VWCE: variants seen among roughly 807,000 people sequenced by gnomAD.
VWCE encodes the protein von Willebrand factor C and EGF domain-containing protein.
A neutral mutation model predicts 102.9 loss-of-function variants in VWCE; 68 were observed. The ratio of observed to expected loss-of-function variants is 0.66; its 90% CI spans 0.54 to 0.81. The LOEUF (loss-of-function observed/expected upper bound fraction) is 0.81. Ranked by LOEUF, VWCE falls within the 30% of genes least tolerant of loss-of-function variation. The pLI, the probability that VWCE is intolerant of heterozygous loss-of-function variation, is 0.00. For missense variants in VWCE, 1,137 were observed against 1,263.6 expected (o/e 0.90, Z 1.52); for synonymous variants, 497 against 515.4 (o/e 0.96, Z 0.48).
At position 61,280,703 on chromosome 11, in the gene VWCE, G is replaced by A; in HGVS notation, c.1245C>T (p.Thr415=). ...SQCWCEDGKV[T]CEKVRCEAAC... is the part of the protein sequence containing the mutation. ...CAGCTTCACACCTCACCTTTTCACAGGTCACCTTCCCGTCCTAGAAGCACA... is the reference window on the plus strand; with the variant it reads ...CAGCTTCACACCTCACCTTTTCACAAGTCACCTTCCCGTCCTAGAAGCACA... Residue 415 remains threonine (T), a synonymous_variant, in exon 9 of 20, where the codon ACC becomes ACT. Transcript: ENST00000335613. 6.2e-7 allele frequency: 1 copy of A among 1,613,972 alleles called. No homozygotes were observed. The highest frequency in any genetic ancestry group is 8.5e-7 in the Non-Finnish European group (1 of 1,179,990).
chr11:61,273,268 G>T lies in VWCE; in HGVS notation c.1630C>A (p.Pro544Thr). ...SFMPCPELACPREEWRLGPGQ... is the reference protein window; with the variant it reads ...SFMPCPELACTREEWRLGPGQ... ...GGGCCCAGCCGCCACTCTTCTCGGG[G>T]GCAGGCCAGCTCAGGGCAGGGCATG... The change falls in exon 13 of 20, where the codon CCC (proline) becomes ACC (threonine). Residue 544 changes from proline to threonine, a missense_variant. Physicochemically the swap from Pro to Thr is conservative, Grantham distance 38 (BLOSUM62 -1). Coordinates refer to ENST00000335613, the MANE Select transcript of VWCE (RefSeq NM_152718.2). 2 of 1,613,862 alleles carry T rather than the reference G, an allele frequency of 1.2e-6. No individual in the cohort carries two copies. Among genetic ancestry groups the T allele is most frequent in the Non-Finnish European group, 1.7e-6 (2 of 1,179,916 alleles).
At position 61,258,990 on chromosome 11, in the gene VWCE, A is replaced by C; in HGVS notation, c.2553T>G (p.Pro851=). 6.2e-7 allele frequency: 1 copy of C among 1,609,884 alleles called. No homozygotes were observed. Among genetic ancestry groups the C allele is most frequent in the Non-Finnish European group, 8.5e-7 (1 of 1,177,934 alleles). The change falls in exon 20 of 20, where the codon CCT becomes CCG. Residue 851 remains proline, a synonymous_variant. Transcript: ENST00000335613. ...CTAGAGGTAGAGTGGGGGCTCCTGG[A>C]GGGGTCGAAGGCCCTGGTGAGAGTC... ...SPRLSPGPST[P]PGAPTLPLAS...
In VWCE at chr11:61,259,237, C is replaced by T. The variant is rs1854283532; in HGVS notation, c.2306G>A (p.Ser769Asn). 4 of 1,613,220 alleles carry T rather than the reference C, an allele frequency of 2.5e-6. No homozygotes were observed. The highest frequency in any genetic ancestry group is 3.4e-6 in the Non-Finnish European group (4 of 1,179,360). Residue 769 changes from serine to asparagine, a missense_variant, in exon 20 of 20, where the codon AGC (serine) becomes AAC (asparagine). Physicochemically the swap from Ser to Asn is conservative, Grantham distance 46. Transcript: ENST00000335613. ...GNVAFSKAGR[S>N]LHGDTEAPVN... ...AGGGGCCTCAGTGTCTCCATGCAGG[C>T]TCCGACCAGCTTTGCTGAATGCCAC... is the stretch of plus-strand genomic sequence containing the variant.
At position 61,283,001 on chromosome 11, in the gene VWCE, A is replaced by C. The variant is rs138719276; in HGVS notation, c.542-96T>G. The C allele has an allele frequency of 6.7e-3, 7,065 of 1,058,778 alleles. 66 individuals carry two copies. The highest frequency in any genetic ancestry group is 0.024 in the South Asian group (1,816 of 74,548). The allele number at this position is 1,058,778 out of a possible 1,614,324, so 65.6% of individuals were successfully genotyped here. A position where few individuals can be genotyped will look rare whatever the true frequency, so the allele number is the denominator to read the frequency against. On this transcript the variant is annotated intron_variant, in intron 5 of 19. Coordinates refer to ENST00000335613, the MANE Select transcript of VWCE (RefSeq NM_152718.2). The stretch of plus-strand genomic sequence containing the variant: ...CCTCCCTCATCTCCATCTCCTATAC[A>C]CACAGGGCTGTGGGGAACCACCTTA...
intron 13 of VWCE, among the ~76,000 whole-genome samples, chr11:61,272,881 C>G (rs1465844320): frequency 1.3e-5 from 2 of 151,818 alleles, no homozygotes; most frequent in Non-Finnish European, 2.9e-5. Context: ...CACACACCCA[C>G]AGAGAGACAC....
intron 3 of VWCE, 139 bp downstream of exon 3, chr11:61,291,125 T>C (rs1274393466): frequency 2.4e-6 from 3 of 1,225,648 alleles, no homozygotes; most frequent in Non-Finnish European, 3.3e-6. Flanking sequence ...TCTTCATCTA[T>C]AAAATGGGCA....
intron 18 of VWCE, 72 bp from the exon 19 acceptor site, chr11:61,264,649 C>T (rs1048282015): frequency 3.0e-5 from 44 of 1,457,246 alleles, no homozygotes; most frequent in Middle Eastern, 1.8e-4. Context: ...CCCTCAAGGG[C>T]CTCTTGCACC....
intron 5 of VWCE, 151 bp downstream of exon 5, chr11:61,286,163 G>A: frequency 1.3e-6 from 1 of 787,238 alleles, no homozygotes; most frequent in Non-Finnish European, 2.1e-6. Flanking sequence ...AGTCAGACAG[G>A]AACCATAATA....
At chr11:61,278,211 C>CTTCT (rs1306404627) in intron 10 of VWCE, among the ~76,000 whole-genome samples, 183 bp downstream of exon 10, 1 of 152,202 alleles carries the variant, frequency 6.6e-6, no homozygotes, top group Non-Finnish European at 1.5e-5. Context: ...CTCCACCAAC[C>CTTCT]TTCGTGTTTT....
chr11:61,265,167 T>C lies in VWCE; in HGVS notation c.2011A>G (p.Thr671Ala), dbSNP rs1489493471. 2.7e-5 allele frequency: 42 copies of C among 1,550,514 alleles called. No homozygotes were observed. In the Admixed American group the frequency reaches 8.2e-4, roughly 30 times the overall value. The change falls in exon 17 of 20, where the codon ACC (threonine) becomes GCC (alanine). Residue 671 changes from threonine to alanine, a missense_variant. Transcript: ENST00000335613. Reference sequence around the variant, plus strand: ...TCCCCGTCAGGGTGGAAAGGGTAGGTACAGGTGATGGGGCAGTCCACGGGG... The same window carrying C: ...TCCCCGTCAGGGTGGAAAGGGTAGGCACAGGTGATGGGGCAGTCCACGGGG... ...CSPVDCPITC[T>A]YPFHPDGECC...
intron 12 of VWCE, chr11:61,273,573 A>G (rs2134776875): frequency 2.0e-6 from 1 of 491,520 alleles, no homozygotes; most frequent in Non-Finnish European, 3.6e-6. Flanking sequence ...GGCCTTCACC[A>G]TCTCTCACCC....
chr11:61,260,453 G>C (rs1468724916), intron 19 of VWCE, among the ~76,000 whole-genome samples: 3 of 151,974 alleles, frequency 2.0e-5, no homozygotes, highest in African/African-American at 7.3e-5. Flanking sequence ...GTTCTGTTCT[G>C]TTCTGTTCTG....
Position 61,273,276 on chromosome 11 carries a change from A to G in VWCE, c.1622T>C (p.Leu541Pro). 6.2e-6 allele frequency: 10 copies of G among 1,613,770 alleles called. No homozygotes were observed. The highest frequency in any genetic ancestry group is 7.6e-6 in the Non-Finnish European group (9 of 1,179,884). Residue 541 changes from leucine (L) to proline (P), a missense_variant, in exon 13 of 20, where the codon CTG (leucine) becomes CCG (proline). Around this residue, in one of 5 missense-constraint regions of VWCE, gnomAD observed 212 missense variants for 235.1 expected, o/e 0.90. Coordinates refer to ENST00000335613, the MANE Select transcript of VWCE (RefSeq NM_152718.2). ...VECSFMPCPE[L>P]ACPREEWRLG... ...CCGCCACTCTTCTCGGGGGCAGGCC[A>G]GCTCAGGGCAGGGCATGAAGGAGCA...
At chr11:61,289,867 G>A (rs1379070249) in intron 4 of VWCE, among the ~76,000 whole-genome samples, 1 of 152,098 alleles carries the variant, frequency 6.6e-6, no homozygotes. Flanking sequence ...TCTATTCAGG[G>A]GGAGAAATAT....
intron 16 of VWCE, among the ~76,000 whole-genome samples, chr11:61,266,352 C>CAAT (rs761738076): frequency 7.2e-5 from 11 of 152,078 alleles, no homozygotes; most frequent in Non-Finnish European, 1.0e-4. Flanking sequence ...CCAGCCTGAG[C>CAAT]AATACAACAC....
intron 5 of VWCE, among the ~76,000 whole-genome samples, chr11:61,284,134 G>C (rs185999712): frequency 6.6e-6 from 1 of 151,990 alleles, no homozygotes; most frequent in Admixed American, 6.6e-5. Context: ...GGGCCAAAGC[G>C]GGAAGGATAG....
chr11:61,281,962 GC>G, intron 6 of VWCE, 48 bp from the exon 7 acceptor site: 1 of 1,586,770 alleles, frequency 6.3e-7, no homozygotes, highest in Non-Finnish European at 8.6e-7. Flanking sequence ...GGGCTACGGA[GC>G]CCTTCTTCCG....
chr11:61,273,203 C>G lies in VWCE; in HGVS notation c.1695G>C (p.Ser565=). 1.9e-6 allele frequency: 3 copies of G among 1,613,936 alleles called. No homozygotes were observed. The highest frequency in any genetic ancestry group is 2.5e-6 in the Non-Finnish European group (3 of 1,179,972). Reference sequence around the variant, plus strand: ...GGCAGCCCTGGACCAGCTCACCTGTCGAGGGTGTGGGCTCCTGGCAGGTGA... The same window carrying G: ...GGCAGCCCTGGACCAGCTCACCTGTGGAGGGTGTGGGCTCCTGGCAGGTGA... The part of the protein sequence containing the change: ...CCFTCQEPTP[S]TGCSLDDNGV... The change falls in exon 13 of 20, where the codon TCG becomes TCC. Residue 565 remains serine, a synonymous_variant. Coordinates refer to ENST00000335613, the MANE Select transcript of VWCE (RefSeq NM_152718.2).
intron 19 of VWCE, among the ~76,000 whole-genome samples, chr11:61,263,040 CTCACGCCTGTAATCCCAGT>C (rs2134732513): frequency 6.6e-6 from 1 of 152,328 alleles, no homozygotes; most frequent in African/African-American, 2.4e-5. Context: ...AAATTACAGG[CTCACGCCTGTAATCCCAGT>C]GCCTTGGGAG....
Sources: allele counts gnomAD v4.1 joint callset (sites outside exome capture counted in the v4.1 genomes callset), GRCh38; gene constraint gnomAD v4.1.1; regional missense constraint gnomAD v4.1.1; transcripts MANE v1.5; gene names NCBI Gene and HGNC (gene_info 2026-07-23, HGNC 2026-07-21).